NUP58: variants seen among roughly 807,000 people sequenced by gnomAD.
NUP58 encodes nucleoporin 58.
NUP58 carries 17 observed loss-of-function variants against 70.1 expected under a neutral mutation model. The ratio of observed to expected loss-of-function variants is 0.24; its 90% CI spans 0.17 to 0.36. The LOEUF is 0.36. Ranked by LOEUF, NUP58 falls within the 10% of genes least tolerant of loss-of-function variation. The probability of loss-of-function intolerance (pLI) is 1.00; values close to 1 mark genes in which losing one functional copy is unlikely to be tolerated. For missense variants in NUP58, 644 were observed against 701.5 expected (o/e 0.92, Z 0.93); for synonymous variants, 275 against 257.6 (o/e 1.07, Z -0.65).
At chr13:25,309,003 T>A (rs962667373) in intron 2 of NUP58, among the ~76,000 whole-genome samples, 1 of 152,258 alleles carries the variant, frequency 6.6e-6, no homozygotes, top group Non-Finnish European at 1.5e-5. Flanking sequence ...AATTTTGTTA[T>A]AAGCAATAGT....
At chr13:25,327,306 C>T (rs2031432997) in intron 11 of NUP58, 124 bp from the exon 12 acceptor site, 9 of 600,102 alleles carry the variant, frequency 1.5e-5, no homozygotes, top group East Asian at 1.2e-4. Context: ...GCCATGAGAA[C>T]GTTGATAGAG....
At chr13:25,313,164 G>T in intron 4 of NUP58, 132 bp downstream of exon 4, 6 of 1,041,682 alleles carry the variant, frequency 5.8e-6, no homozygotes, top group Non-Finnish European at 6.8e-6. Flanking sequence ...GAGCATTGAA[G>T]CAGGAGAGGC....
chr13:25,326,460 G>T (rs1305673393), intron 10 of NUP58, among the ~76,000 whole-genome samples: 2 of 151,888 alleles, frequency 1.3e-5, no homozygotes, highest in East Asian at 1.9e-4. Context: ...TTGATAAAAT[G>T]ACTATAAATT....
At chr13:25,311,348 G>A (rs982727520) in intron 3 of NUP58, among the ~76,000 whole-genome samples, 1 of 152,024 alleles carries the variant, frequency 6.6e-6, no homozygotes, top group Admixed American at 6.6e-5. Context: ...CAGGATATTT[G>A]TGGGGGTTTT....
downstream of NUP58, among the ~76,000 whole-genome samples, chr13:25,346,408 T>C (rs2032051153): frequency 6.6e-6 from 1 of 152,136 alleles, no homozygotes. Context: ...TGATATAAAG[T>C]GGGCTTTCTT....
downstream of NUP58, among the ~76,000 whole-genome samples, chr13:25,344,433 C>T (rs966952269): frequency 6.6e-6 from 1 of 152,194 alleles, no homozygotes; most frequent in Admixed American, 6.5e-5. Context: ...AGCATTAGGT[C>T]TTCCTGCACC....
At chr13:25,334,785 C>T (rs956775619) in intron 13 of NUP58, 15 of 984,168 alleles carry the variant, frequency 1.5e-5, no homozygotes, top group Middle Eastern at 5.2e-4. Context: ...TGAATTACAG[C>T]GCTAAACCTG....
chr13:25,330,070 C>G (rs1297430580), intron 12 of NUP58, among the ~76,000 whole-genome samples: 1 of 152,148 alleles, frequency 6.6e-6, no homozygotes, highest in Non-Finnish European at 1.5e-5. Context: ...TCAAGGAGTC[C>G]TCCTGCCTAG....
At chr13:25,334,638 G>A in intron 13 of NUP58, 1 of 981,636 alleles carries the variant, frequency 1.0e-6, no homozygotes, top group African/African-American at 1.7e-5. Flanking sequence ...TTTAAAATGT[G>A]ACTTAGAAAT....
intron 13 of NUP58, chr13:25,331,906 TC>T (rs2031620929): frequency 1.9e-6 from 2 of 1,073,986 alleles, no homozygotes; most frequent in African/African-American, 3.3e-5. Flanking sequence ...TGTTTTAAAG[TC>T]AGAGATCATC....
At chr13:25,336,141 A>G in intron 13 of NUP58, 2 of 1,319,316 alleles carry the variant, frequency 1.5e-6, no homozygotes, top group Non-Finnish European at 2.0e-6. Flanking sequence ...CTGAATTGAA[A>G]TCTTGAATGT....
At chr13:25,335,138 T>C (rs1202783057) in intron 13 of NUP58, 4 of 985,274 alleles carry the variant, frequency 4.1e-6, no homozygotes, top group African/African-American at 1.7e-5. Flanking sequence ...TAAATGATGT[T>C]GCCTTCAGAA....
intron 1 of NUP58, among the ~76,000 whole-genome samples, chr13:25,306,063 C>T (rs2030338712): frequency 6.6e-6 from 1 of 152,048 alleles, no homozygotes; most frequent in Admixed American, 6.6e-5. Flanking sequence ...GTCATAACAA[C>T]ATTTATTGAA....
intron 6 of NUP58, chr13:25,317,724 A>G (rs2030996646): frequency 6.6e-6 from 1 of 152,092 alleles, no homozygotes; most frequent in South Asian, 2.1e-4. Flanking sequence ...AATTTTAGAG[A>G]TACTAAATAT....
intron 13 of NUP58, chr13:25,335,203 T>TCTTG: frequency 1.0e-6 from 1 of 985,182 alleles, no homozygotes; most frequent in South Asian, 4.7e-5. Context: ...CAATGGAAAG[T>TCTTG]CTTGTCATCA....
chr13:25,345,575 TGGG>T (rs2032039418), downstream of NUP58, among the ~76,000 whole-genome samples: 1 of 22,844 alleles, frequency 4.4e-5, no homozygotes, highest in South Asian at 4.2e-3. Context: ...AACTGGATGA[TGGG>T]GGCGGTGGGG....
chr13:25,306,981 A>G (rs925662495), intron 1 of NUP58, among the ~76,000 whole-genome samples: 4 of 152,122 alleles, frequency 2.6e-5, no homozygotes, highest in Admixed American at 2.0e-4. Flanking sequence ...TTTTGGTGGT[A>G]AAATACCTAA....
chr13:25,339,428 A>G (rs2031888838), intron 15 of NUP58, among the ~76,000 whole-genome samples: 2 of 152,242 alleles, frequency 1.3e-5, no homozygotes, highest in Admixed American at 6.5e-5. Context: ...TATCAGGATT[A>G]TAATTGAAAT....
Position 25,307,905 on chromosome 13 carries a change from A to T in NUP58, c.207A>T (p.Gly69=), listed in dbSNP as rs2030453469. ...PSSGFGTGLF[G]SKPATGFTLG... Reference sequence around the variant, plus strand: ...GTGGTTTTGGAACCGGGCTCTTTGGATCTAAACCTGCCACTGGGTTCACTC... The same window carrying T: ...GTGGTTTTGGAACCGGGCTCTTTGGTTCTAAACCTGCCACTGGGTTCACTC... Residue 69 remains glycine, a synonymous_variant, in exon 2 of 16, where the codon GGA becomes GGT. Coordinates refer to ENST00000381736, the MANE Select transcript of NUP58 (RefSeq NM_014089.4). 1.2e-6 allele frequency: 2 copies of T among 1,614,144 alleles called. No homozygotes were observed. Among genetic ancestry groups the T allele is most frequent in the Non-Finnish European group, 1.7e-6 (2 of 1,180,024 alleles).
Sources: gnomAD v4.1 joint callset for allele counts (sites outside exome capture counted in the v4.1 genomes callset) on GRCh38, gnomAD v4.1.1 for gene constraint, MANE v1.5 for transcripts, NCBI Gene and HGNC (gene_info 2026-07-23, HGNC 2026-07-21) for gene names.